Variants in NAV2 observed in about 807,000 individuals in gnomAD.
NAV2 encodes helicase, APC down-regulated 1.
NAV2 carries 54 observed loss-of-function variants against 223.2 expected under a neutral mutation model. The observed-to-expected ratio is 0.24, with a 90% confidence interval of 0.19 to 0.30. The LOEUF is 0.30. NAV2 is among the 10% of genes least tolerant of loss of function. The pLI, the probability that NAV2 is intolerant of heterozygous loss-of-function variation, is 1.00. For synonymous variants in NAV2, 1,279 were observed against 1,239.3 expected (o/e 1.03, Z -0.67); for missense variants, 2,806 against 3,147.5 (o/e 0.89, Z 2.60).
chr11:19,377,039 A>T (rs1399157997), intron 1 of NAV2, among the ~76,000 whole-genome samples: 1 of 152,218 alleles, frequency 6.6e-6, no homozygotes, highest in Admixed American at 6.5e-5. Flanking sequence ...GACCCAGAGA[A>T]GGCTGTAAAA....
At chr11:19,953,855 G>A (rs1182765063) in intron 10 of NAV2, among the ~76,000 whole-genome samples, 2 of 143,604 alleles carry the variant, frequency 1.4e-5, no homozygotes, top group African/African-American at 2.6e-5. Context: ...GTGCACGCGC[G>A]CGCGTGTGTG....
intron 1 of NAV2, among the ~76,000 whole-genome samples, chr11:19,703,045 G>A (rs150041141): frequency 6.6e-6 from 1 of 151,224 alleles, no homozygotes; most frequent in African/African-American, 2.4e-5. Flanking sequence ...TTATAAACAT[G>A]TTTATTTATA....
chr11:19,690,034 G>A (rs1442920044), intron 1 of NAV2, among the ~76,000 whole-genome samples: 5 of 152,138 alleles, frequency 3.3e-5, no homozygotes, highest in Non-Finnish European at 7.4e-5. Context: ...GCAATGGCGT[G>A]ATCTAGGCTC....
chr11:19,678,631 G>A (rs2012651), intron 1 of NAV2, among the ~76,000 whole-genome samples: 110,742 of 152,182 alleles, frequency 0.73, 45,312 homozygotes, highest in Non-Finnish European at 0.91. Context: ...GGCAGCAGCT[G>A]TGTGATCAAT....
chr11:19,646,646 G>T (rs775328580), intron 1 of NAV2, among the ~76,000 whole-genome samples: 2 of 152,146 alleles, frequency 1.3e-5, no homozygotes, highest in African/African-American at 2.4e-5. Flanking sequence ...ATATTTGAGG[G>T]TGAGGGTGCT....
intron 1 of NAV2, among the ~76,000 whole-genome samples, chr11:19,644,596 C>T (rs970177520): frequency 1.2e-4 from 19 of 152,196 alleles, no homozygotes; most frequent in African/African-American, 4.6e-4. Context: ...GATCACAGGG[C>T]AGCTGCAGAA....
chr11:19,379,329 A>G (rs1848755277), intron 1 of NAV2, among the ~76,000 whole-genome samples: 1 of 152,168 alleles, frequency 6.6e-6, no homozygotes, highest in Non-Finnish European at 1.5e-5. Flanking sequence ...AGAACTATTA[A>G]TATTTAGAGA....
intron 1 of NAV2, among the ~76,000 whole-genome samples, chr11:19,781,308 T>G (rs1039793085): frequency 3.3e-5 from 5 of 152,168 alleles, no homozygotes; most frequent in Admixed American, 3.3e-4. Flanking sequence ...TAGATGCCTG[T>G]GCTCACTGCT....
chr11:19,877,771 C>T lies in NAV2; in HGVS notation c.512-2098C>T, dbSNP rs186233786. ...ACAGGCGTGAGCCACCGTGCCTGGCCGGCTTATCTTGATTCTGTCCCTAGC... is the reference window on the plus strand; with the variant it reads ...ACAGGCGTGAGCCACCGTGCCTGGCTGGCTTATCTTGATTCTGTCCCTAGC... On this transcript the variant is annotated intron_variant, in intron 4 of 37. Transcript: ENST00000349880. Among the ~76,000 whole-genome samples the T allele has an allele frequency of 1.4e-3, 207 of 152,156 alleles. 4 individuals are homozygous for T. The South Asian group carries it at 0.021, about 16-fold the overall frequency.
chr11:20,067,644 A>ATTTTTTTTTT (rs11371990), intron 20 of NAV2, among the ~76,000 whole-genome samples: 2 of 129,264 alleles, frequency 1.5e-5, no homozygotes, highest in Non-Finnish European at 3.2e-5. Context: ...CACCCGGCTA[A>ATTTTTTTTTT]TTTTTTTTTT....
chr11:19,796,313 C>T (rs2057890018), intron 1 of NAV2, among the ~76,000 whole-genome samples: 1 of 152,160 alleles, frequency 6.6e-6, no homozygotes, highest in Non-Finnish European at 1.5e-5. Flanking sequence ...TGTATTATTA[C>T]AGCAAGAAAG....
chr11:20,052,777 C>G (rs1026277328), intron 17 of NAV2, among the ~76,000 whole-genome samples: 1 of 152,146 alleles, frequency 6.6e-6, no homozygotes, highest in Non-Finnish European at 1.5e-5. Context: ...TCCTGTGTAG[C>G]TCACCCACTC....
At chr11:19,505,434 C>A (rs1382999883) in intron 1 of NAV2, 1 of 152,170 alleles carries the variant, frequency 6.6e-6, no homozygotes, top group East Asian at 1.9e-4. Flanking sequence ...TAGAAAGAAG[C>A]GGAGATGGAA....
At chr11:19,938,404 G>A (rs962340034) in intron 7 of NAV2, among the ~76,000 whole-genome samples, 2 of 152,142 alleles carry the variant, frequency 1.3e-5, no homozygotes, top group African/African-American at 2.4e-5. Flanking sequence ...AGGGAGCCAC[G>A]CCTCTTTAGA....
intron 1 of NAV2, among the ~76,000 whole-genome samples, chr11:19,531,884 T>C (rs1240579303): frequency 6.6e-6 from 1 of 152,134 alleles, no homozygotes; most frequent in African/African-American, 2.4e-5. Flanking sequence ...GATATTAAAA[T>C]GTGGAAAAAA....
chr11:19,797,903 C>T (rs1284154056), intron 1 of NAV2, among the ~76,000 whole-genome samples: 2 of 152,150 alleles, frequency 1.3e-5, no homozygotes, highest in East Asian at 3.8e-4. Context: ...GGTATGAGTT[C>T]TGGAAATACT....
chr11:19,619,538 G>T lies in NAV2; in HGVS notation c.76-212946G>T, dbSNP rs1221004321. On this transcript the variant is annotated intron_variant, in intron 1 of 37. Coordinates refer to the NAV2 transcript ENST00000360655. ...ATGATGAGCATTTTTTCACGTGTCT[G>T]TTGGCTGCATAAATGTCTTCTTTTA... Among the ~76,000 whole-genome samples the T allele has an allele frequency of 3.3e-5, 5 of 152,120 alleles. 1 individual carries two copies. Among genetic ancestry groups the T allele is most frequent in the African/African-American group, 9.7e-5 (4 of 41,420 alleles).
intron 1 of NAV2, among the ~76,000 whole-genome samples, chr11:19,616,232 T>A (rs1189082616): frequency 6.6e-6 from 1 of 151,796 alleles, no homozygotes; most frequent in Non-Finnish European, 1.5e-5. Context: ...TGCTGAGTAT[T>A]TCTGTGTTTG....
chr11:20,067,757 T>C (rs568241498), intron 20 of NAV2, among the ~76,000 whole-genome samples: 8 of 151,928 alleles, frequency 5.3e-5, no homozygotes, highest in Non-Finnish European at 7.4e-5. Flanking sequence ...CCCAAAGTAC[T>C]GGGATGTCAG....
Sources: gnomAD v4.1 joint callset for allele counts (sites outside exome capture counted in the v4.1 genomes callset) on GRCh38, gnomAD v4.1.1 for gene constraint, MANE v1.5 for transcripts, NCBI Gene and HGNC (gene_info 2026-07-23, HGNC 2026-07-21) for gene names.